DENND2B: variants seen among roughly 807,000 people sequenced by gnomAD.
DENND2B encodes DENN domain containing 2B, also known as DENN domain-containing protein 2B.
DENND2B carries 32 observed loss-of-function variants against 116.0 expected under a neutral mutation model. That is an observed-to-expected ratio of 0.28 (90% confidence interval 0.21 to 0.37). The LOEUF (loss-of-function observed/expected upper bound fraction) is 0.37. DENND2B is among the 10% of genes least tolerant of loss of function. The pLI, the probability that DENND2B is intolerant of heterozygous loss-of-function variation, is 1.00. For synonymous variants in DENND2B, 588 were observed against 583.9 expected (o/e 1.01, Z -0.10); for missense variants, 1,276 against 1,477.7 (o/e 0.86, Z 2.24).
In DENND2B at chr11:8,707,341, C is replaced by T. The variant is rs1004262038; in HGVS notation, c.2431-116G>A. ...CCAGGCTAGCCCAGAAGCTGGGAGA[C>T]GGGAAGGTGGTCTTGCCATGATCTG... On this transcript the variant is annotated intron_variant, in intron 12 of 19. Coordinates refer to ENST00000313726, the MANE Select transcript of DENND2B (RefSeq NM_213618.2). This position sits in a 1 kb window ranked among gnomAD's most constrained non-coding sequence, Gnocchi z 4.8. 36 of 1,379,226 alleles carry T rather than the reference C, an allele frequency of 2.6e-5. No homozygotes were observed. The highest frequency in any genetic ancestry group is 1.5e-4 in the Admixed American group (6 of 40,264). 85.4% of individuals were successfully genotyped at this position (1,379,226 alleles called of 1,614,324 possible). A position where few individuals can be genotyped will look rare whatever the true frequency, so the allele number is the denominator to read the frequency against.
chr11:8,849,778 G>A (rs1312319705), intron 3 of DENND2B, among the ~76,000 whole-genome samples: 2 of 148,694 alleles, frequency 1.3e-5, no homozygotes, highest in East Asian at 2.0e-4. Context: ...AGCTGAGATC[G>A]CCCCACTGTA....
At chr11:8,868,284 C>T (rs907530682) in intron 2 of DENND2B, among the ~76,000 whole-genome samples, 10 of 152,246 alleles carry the variant, frequency 6.6e-5, no homozygotes, top group African/African-American at 2.4e-4. Flanking sequence ...TTATGACTTG[C>T]ACATGACTTG....
At chr11:8,789,446 G>A (rs529743911) in intron 1 of DENND2B, among the ~76,000 whole-genome samples, 10 of 152,168 alleles carry the variant, frequency 6.6e-5, no homozygotes, top group Non-Finnish European at 1.5e-4. Flanking sequence ...ATAATTTCAC[G>A]ATGGAGAAAT....
chr11:8,730,956 C>G lies in DENND2B; in HGVS notation c.334G>C (p.Asp112His), dbSNP rs2048032148. 1 of 1,614,116 alleles carries G rather than the reference C, an allele frequency of 6.2e-7. No homozygotes were observed. Among genetic ancestry groups the G allele is most frequent in the African/African-American group, 1.3e-5 (1 of 74,942 alleles). ...LDRSPSACKR[D>H]AQKESVQGAA... is the part of the protein sequence containing the mutation. The stretch of plus-strand genomic sequence containing the variant: ...CCTTGGACACTTTCCTTTTGGGCGT[C>G]TCTCTTGCACGCCGAAGGGCTTCTG... Residue 112 changes from aspartate to histidine, a missense_variant, in exon 3 of 20, where the codon GAC becomes CAC. Around this residue, in one of 2 missense-constraint regions of DENND2B, gnomAD observed 856 missense variants for 846.6 expected, o/e 1.01. Coordinates refer to ENST00000313726, the MANE Select transcript of DENND2B (RefSeq NM_213618.2). This position sits in a 1 kb window ranked among gnomAD's most constrained non-coding sequence, Gnocchi z 4.1.
chr11:8,772,847 T>C (rs2057126468), intron 1 of DENND2B, among the ~76,000 whole-genome samples: 1 of 151,774 alleles, frequency 6.6e-6, no homozygotes, highest in African/African-American at 2.4e-5. Context: ...CAGGGGTGAG[T>C]GGCAATCCCA....
In DENND2B at chr11:8,730,777, C is replaced by T; in HGVS notation, c.513G>A (p.Trp171Ter). Residue 171 changes from tryptophan to a stop codon, truncating the protein, a stop_gained, in exon 3 of 20, where the codon TGG (tryptophan) becomes TGA (stop). Transcript: ENST00000313726. LOFTEE classifies it high-confidence loss of function. The surrounding 1 kb of genome is among the most constrained non-coding windows in gnomAD (Gnocchi z 4.1). The stretch of plus-strand genomic sequence containing the variant: ...TGGGCGACGCCTCTCGGCGACCTTC[C>T]CATGCTGATATCTTCTCCCGGATGC... ...SLGIREKISA[W>*]EGRREASPRM... 6.2e-7 allele frequency: 1 copy of T among 1,612,976 alleles called. No individual in the cohort carries two copies. The highest frequency in any genetic ancestry group is 8.5e-7 in the Non-Finnish European group (1 of 1,179,980).
intron 5 of DENND2B, among the ~76,000 whole-genome samples, chr11:8,716,827 T>C (rs200835468): frequency 6.6e-6 from 1 of 152,152 alleles, no homozygotes; most frequent in South Asian, 2.1e-4. Context: ...TTTGTATTTT[T>C]AGTAGAGATG....
chr11:8,904,644 T>C lies in DENND2B; in HGVS notation c.-256+6177A>G, dbSNP rs148097167. Among the ~76,000 whole-genome samples the C allele has an allele frequency of 3.3e-3, 505 of 152,234 alleles. 3 individuals carry two copies. The highest frequency in any genetic ancestry group is 0.011 in the African/African-American group (471 of 41,546). On this transcript the variant is annotated intron_variant, in intron 1 of 22. Transcript: ENST00000534127. ...TTAGCCTTTCTTTATTCACAGAAGA[T>C]CTGATCCAGTATACAGAAAATCCTA...
chr11:8,745,571 G>A (rs778768630), intron 2 of DENND2B, among the ~76,000 whole-genome samples: 1 of 152,216 alleles, frequency 6.6e-6, no homozygotes, highest in Non-Finnish European at 1.5e-5. Context: ...GAGATGTTGA[G>A]ATTCCTCTCA....
chr11:8,877,195 C>A (rs1050568259), intron 2 of DENND2B, among the ~76,000 whole-genome samples: 2 of 150,714 alleles, frequency 1.3e-5, no homozygotes, highest in African/African-American at 2.4e-5. Flanking sequence ...GCTCCACCTC[C>A]CGGGTTCATG....
chr11:8,768,360 C>T (rs982166539), intron 1 of DENND2B, among the ~76,000 whole-genome samples: 3 of 152,112 alleles, frequency 2.0e-5, no homozygotes, highest in Non-Finnish European at 4.4e-5. Context: ...GATCCTCTTG[C>T]CTCAGCCTCC....
chr11:8,779,379 A>G (rs1489809598), intron 1 of DENND2B, among the ~76,000 whole-genome samples: 2 of 152,130 alleles, frequency 1.3e-5, no homozygotes, highest in African/African-American at 2.4e-5. Context: ...GGTATGGAGG[A>G]AGGAAAGTGG....
At chr11:8,721,173 T>C (rs2046101123) in intron 4 of DENND2B, among the ~76,000 whole-genome samples, 1 of 151,548 alleles carries the variant, frequency 6.6e-6, no homozygotes, top group African/African-American at 2.4e-5. Flanking sequence ...TGCACTCTTC[T>C]AAAAGGGGAT....
At chr11:8,803,139 C>T (rs1002276359) in intron 1 of DENND2B, among the ~76,000 whole-genome samples, 29 of 152,112 alleles carry the variant, frequency 1.9e-4, no homozygotes, top group African/African-American at 6.7e-4. Context: ...ACTCCCAGCA[C>T]TTTGGAAGGC....
intron 8 of DENND2B, among the ~76,000 whole-genome samples, chr11:8,713,042 T>G (rs2044053854): frequency 6.6e-6 from 1 of 152,128 alleles, no homozygotes; most frequent in Non-Finnish European, 1.5e-5. Context: ...TCTGTCCCTG[T>G]ACCAAAAGGA....
At position 8,730,390 on chromosome 11, in the gene DENND2B, G is replaced by A. The variant is rs988409654; in HGVS notation, c.900C>T (p.Leu300=). The A allele has an allele frequency of 1.9e-6, 3 of 1,605,326 alleles. No homozygotes were observed. The highest frequency in any genetic ancestry group is 1.3e-5 in the African/African-American group (1 of 75,032). ...TGTAGCAGCTGCTGGGGAGCTGGGGGAGCCCCCGGCCCGGCTGCTCCTTCA... is the reference window on the plus strand; with the variant it reads ...TGTAGCAGCTGCTGGGGAGCTGGGGAAGCCCCCGGCCCGGCTGCTCCTTCA... The part of the protein sequence containing the change: ...QVLKEQPGRG[L]PQLPSSCYSV... The change falls in exon 3 of 20, where the codon CTC becomes CTT. Residue 300 remains leucine (L), a synonymous_variant. Coordinates refer to ENST00000313726, the MANE Select transcript of DENND2B (RefSeq NM_213618.2). The surrounding 1 kb of genome is among the most constrained non-coding windows in gnomAD (Gnocchi z 4.1).
chr11:8,713,053 C>A (rs2044056978), intron 8 of DENND2B, among the ~76,000 whole-genome samples: 1 of 152,112 alleles, frequency 6.6e-6, no homozygotes, highest in Admixed American at 6.5e-5. Flanking sequence ...ACCAAAAGGA[C>A]TAGAATACAC....
intron 1 of DENND2B, among the ~76,000 whole-genome samples, chr11:8,791,991 G>A (rs1463783270): frequency 1.5e-4 from 3 of 20,474 alleles, no homozygotes; most frequent in East Asian, 1.9e-3. Flanking sequence ...GATCACCTGA[G>A]GTCAAGGAGT....
intron 4 of DENND2B, chr11:8,718,339 G>T (rs1239438503): frequency 2.0e-6 from 3 of 1,532,364 alleles, no homozygotes; most frequent in African/African-American, 2.7e-5. Context: ...AACTCTCAGG[G>T]GATCTCCCTG....
Sources: allele counts gnomAD v4.1 joint callset (sites outside exome capture counted in the v4.1 genomes callset), GRCh38; gene constraint gnomAD v4.1.1; regional missense constraint gnomAD v4.1.1; non-coding constraint Gnocchi (gnomAD v3.1); transcripts MANE v1.5; gene names NCBI Gene and HGNC (gene_info 2026-07-23, HGNC 2026-07-21).